The following MTOR variants were observed in gnomAD, a reference collection of about 807,000 sequenced individuals.
MTOR encodes the protein mechanistic target of rapamycin kinase.
MTOR carries 70 observed loss-of-function variants against 319.8 expected under a neutral mutation model. The observed-to-expected ratio is 0.22, with a 90% confidence interval of 0.18 to 0.27. MTOR has a LOEUF of 0.27. Among genes scored for constraint, MTOR ranks in the 10% least tolerant of loss-of-function variants. The pLI, the probability that MTOR is intolerant of heterozygous loss-of-function variation, is 1.00. For synonymous variants in MTOR, 1,183 were observed against 1,211.4 expected (o/e 0.98, Z 0.49); for missense variants, 1,890 against 3,274.4 (o/e 0.58, Z 10.32).
At chr1:11,213,355 A>T (rs1409315552) in intron 21 of MTOR, 44 bp downstream of exon 21, 10 of 1,585,764 alleles carry the variant, frequency 6.3e-6, no homozygotes, top group Admixed American at 1.7e-5. Flanking sequence ...AGGGACTCAG[A>T]GGAAATCAGA....
At chr1:11,255,592 T>A (rs1426507536) in intron 5 of MTOR, among the ~76,000 whole-genome samples, 1 of 152,144 alleles carries the variant, frequency 6.6e-6, no homozygotes, top group African/African-American at 2.4e-5. Context: ...AGCTCATGTC[T>A]GTAATCCCAG....
chr1:11,141,744 TG>T (rs1208387670), intron 34 of MTOR, among the ~76,000 whole-genome samples: 20 of 148,696 alleles, frequency 1.3e-4, no homozygotes, highest in Non-Finnish European at 2.4e-4. Context: ...CCCAGCACTT[TG>T]GGAGGCTGAG....
chr1:11,237,297 C>T (rs914186377), intron 13 of MTOR, among the ~76,000 whole-genome samples: 1 of 152,130 alleles, frequency 6.6e-6, no homozygotes, highest in African/African-American at 2.4e-5. Flanking sequence ...GTCTCCAGAG[C>T]AATTCTACCT....
At chr1:11,169,600 GTA>G (rs1474801532) in intron 28 of MTOR, among the ~76,000 whole-genome samples, 1 of 152,228 alleles carries the variant, frequency 6.6e-6, no homozygotes, top group East Asian at 1.9e-4. Flanking sequence ...ATGCATAAAT[GTA>G]TACAAAAGGA....
intron 53 of MTOR, among the ~76,000 whole-genome samples, 197 bp from the exon 54 acceptor site, chr1:11,113,114 T>A (rs1203136471): frequency 6.6e-6 from 1 of 152,220 alleles, no homozygotes; most frequent in Admixed American, 6.5e-5. Flanking sequence ...CACTCTATAC[T>A]GTTGATTTGG....
intron 28 of MTOR, chr1:11,189,532 TC>T: frequency 6.5e-7 from 1 of 1,538,976 alleles, no homozygotes; most frequent in Non-Finnish European, 8.7e-7. Flanking sequence ...GCTGGGCATC[TC>T]CAGACTCCCC....
chr1:11,154,848 T>TAA (rs71568315), intron 30 of MTOR, among the ~76,000 whole-genome samples: 2 of 144,030 alleles, frequency 1.4e-5, no homozygotes, highest in Non-Finnish European at 3.1e-5. Flanking sequence ...TCCTGCCTCT[T>TAA]AAAAAAAAAA....
At chr1:11,124,726 C>T (rs2100384435) in intron 46 of MTOR, 93 bp from the exon 47 acceptor site, 3 of 1,382,700 alleles carry the variant, frequency 2.2e-6, no homozygotes, top group South Asian at 3.1e-5. Flanking sequence ...CCACAGACTA[C>T]ATATGCCTTA....
chr1:11,194,711 C>A (rs777514998), intron 28 of MTOR: 6 of 1,610,492 alleles, frequency 3.7e-6, no homozygotes, highest in Non-Finnish European at 2.5e-6. Flanking sequence ...GCTCATAATC[C>A]CACTTGAGGA....
At chr1:11,245,252 G>C (rs1408727436) in intron 8 of MTOR, among the ~76,000 whole-genome samples, 2 of 152,226 alleles carry the variant, frequency 1.3e-5, no homozygotes, top group African/African-American at 4.8e-5. Flanking sequence ...CCTGATTCTT[G>C]CTTCTTGTCT....
chr1:11,248,232 T>A (rs1412708890), intron 6 of MTOR, 138 bp from the exon 7 acceptor site: 3 of 898,576 alleles, frequency 3.3e-6, no homozygotes, highest in South Asian at 3.4e-5. Flanking sequence ...CCACTCTTCA[T>A]GTTTAGGGTT....
chr1:11,239,841 G>A (rs1647759213), intron 11 of MTOR, among the ~76,000 whole-genome samples: 1 of 150,910 alleles, frequency 6.6e-6, no homozygotes, highest in African/African-American at 2.5e-5. Context: ...GGAGGCAGAG[G>A]TTGCAGTGAG....
chr1:11,127,946 T>C lies in MTOR; in HGVS notation c.6033+58A>G, dbSNP rs931307159. Reference sequence around the variant, plus strand: ...ATGCGAGGAAGAAAAACAATCCCACTTGCGCCCACCAGCTAAGGGACCAGG... The same window carrying C: ...ATGCGAGGAAGAAAAACAATCCCACCTGCGCCCACCAGCTAAGGGACCAGG... On this transcript the variant is annotated intron_variant, in intron 43 of 57. Coordinates refer to ENST00000361445, the MANE Select transcript of MTOR (RefSeq NM_004958.4). This position sits in a 1 kb window ranked among gnomAD's most constrained non-coding sequence, Gnocchi z 5.5. 1.5e-5 allele frequency: 24 copies of C among 1,605,444 alleles called. No homozygotes were observed. Among genetic ancestry groups the C allele is most frequent in the Non-Finnish European group, 2.0e-5 (23 of 1,177,142 alleles).
chr1:11,194,639 A>G, intron 28 of MTOR: 1 of 1,614,228 alleles, frequency 6.2e-7, no homozygotes, highest in South Asian at 1.1e-5. Context: ...TGCTTGGACA[A>G]GTGTGCACAG....
At chr1:11,205,647 A>G (rs1377302393) in intron 25 of MTOR, among the ~76,000 whole-genome samples, 1 of 152,228 alleles carries the variant, frequency 6.6e-6, no homozygotes, top group African/African-American at 2.4e-5. Flanking sequence ...TGAGCCTCAG[A>G]GTGCCTCATC....
rs1643579395 is a variant in MTOR at position 11,139,353 on chromosome 1, G to GGGT, written c.5078_5080dup (p.His1693dup). The GGGT allele has an allele frequency of 6.8e-6, 11 of 1,613,498 alleles. No homozygotes were observed. The East Asian group carries it at 2.5e-4, about 36-fold the overall frequency. On this transcript the variant is annotated inframe_insertion, in exon 36 of 58. Transcript: ENST00000361445. Reference sequence around the variant, plus strand: ...TTTCATGTAGGCATAGGTCACCTGAGGGTGAACTGTTGGCAGAGGATGGTC... The same window carrying GGGT: ...TTTCATGTAGGCATAGGTCACCTGAGGGTGGTGAACTGTTGGCAGAGGATGGTC...
At chr1:11,174,985 G>C (rs1156973806) in intron 28 of MTOR, among the ~76,000 whole-genome samples, 1 of 152,224 alleles carries the variant, frequency 6.6e-6, no homozygotes, top group Non-Finnish European at 1.5e-5. Context: ...GCCTATAACA[G>C]TGTGCAGAAA....
At chr1:11,242,912 A>G (rs1276861127) in intron 9 of MTOR, among the ~76,000 whole-genome samples, 1 of 152,188 alleles carries the variant, frequency 6.6e-6, no homozygotes, top group African/African-American at 2.4e-5. Flanking sequence ...AGGGTATTCA[A>G]CCTCCCCAAA....
intron 23 of MTOR, among the ~76,000 whole-genome samples, chr1:11,211,783 T>C (rs556812601): frequency 1.3e-5 from 2 of 152,300 alleles, no homozygotes; most frequent in East Asian, 3.9e-4. Context: ...TTCTGCCTTA[T>C]CTCCATCACC....
Sources: allele counts gnomAD v4.1 joint callset (sites outside exome capture counted in the v4.1 genomes callset), GRCh38; gene constraint gnomAD v4.1.1; non-coding constraint Gnocchi (gnomAD v3.1); transcripts MANE v1.5; gene names NCBI Gene and HGNC (gene_info 2026-07-23, HGNC 2026-07-21).